The following PTPRD variants were observed in gnomAD, a reference collection of about 807,000 sequenced individuals.
PTPRD encodes the protein protein tyrosine phosphatase receptor type D.
In PTPRD, 34 loss-of-function variants were observed where a neutral mutation model predicts 214.5. That is an observed-to-expected ratio of 0.16 (90% CI 0.12 to 0.21). PTPRD has a LOEUF of 0.21. PTPRD is among the 10% of genes least tolerant of loss of function. PTPRD has a pLI of 1.00. For synonymous variants in PTPRD, 1,128 were observed against 845.7 expected, an observed-to-expected ratio of 1.33 and a Z score of -5.79; for missense variants, 2,545 against 2,398.7, an observed-to-expected ratio of 1.06 and a Z score of -1.27.
At chr9:8,935,666 T>C (rs2098991921) in intron 11 of PTPRD, among the ~76,000 whole-genome samples, 1 of 152,200 alleles carries the variant, frequency 6.6e-6, no homozygotes. Flanking sequence ...TGCAGTTTGC[T>C]TCACTGGGGA....
At chr9:9,842,187 C>G (rs1357665359) in intron 5 of PTPRD, among the ~76,000 whole-genome samples, 1 of 150,872 alleles carries the variant, frequency 6.6e-6, no homozygotes, top group African/African-American at 2.4e-5. Context: ...TTTTACAAGG[C>G]TTTTCAAGTC....
rs534576440 is a variant in PTPRD at position 9,477,310 on chromosome 9, A to T, written c.-236-79828T>A. On this transcript the variant is annotated intron_variant, in intron 8 of 45. Coordinates refer to ENST00000381196, the MANE Select transcript of PTPRD (RefSeq NM_002839.4). ...AAGGTAGGTTCTGCTCTATGATGAT[A>T]TCACCCATTGAGATTAACAGCATGA... Among the ~76,000 whole-genome samples the T allele has an allele frequency of 3.3e-5, 5 of 152,312 alleles. 1 individual carries two copies. The South Asian group carries it at 1.0e-3, about 32-fold the overall frequency.
chr9:8,568,497 A>AT (rs2090103780), intron 14 of PTPRD, among the ~76,000 whole-genome samples: 1 of 152,140 alleles, frequency 6.6e-6, no homozygotes, highest in Non-Finnish European at 1.5e-5. Flanking sequence ...GGCTAAATGG[A>AT]TTTTGAGCCA....
chr9:9,920,711 A>G (rs557854114), intron 5 of PTPRD, among the ~76,000 whole-genome samples: 37 of 152,254 alleles, frequency 2.4e-4, no homozygotes, highest in African/African-American at 7.7e-4. Context: ...CTCTTTAGAA[A>G]GGAGGGCTAT....
At position 8,317,089 on chromosome 9, in the gene PTPRD, A is replaced by C. The variant is rs1328808269; in HGVS notation, c.*785T>G. The C allele has an allele frequency of 2.6e-5, 6 of 228,008 alleles. No individual in the cohort carries two copies. The highest frequency in any genetic ancestry group is 3.4e-5 in the Non-Finnish European group (4 of 116,830). The allele number at this position is 228,008 out of a possible 1,614,324, so 14.1% of individuals were successfully genotyped here. A position where few individuals can be genotyped will look rare whatever the true frequency, so the allele number is the denominator to read the frequency against. On this transcript the variant is annotated 3_prime_UTR_variant, in exon 46 of 46. Coordinates refer to ENST00000381196, the MANE Select transcript of PTPRD (RefSeq NM_002839.4). ...TGAAGAGAATGGGTACTTTCTCACC[A>C]ATCAAAACTGAAGTGTAAAATTAAT... is the stretch of plus-strand genomic sequence containing the variant.
intron 14 of PTPRD, among the ~76,000 whole-genome samples, chr9:8,562,424 A>G (rs933938711): frequency 1.3e-5 from 2 of 151,564 alleles, no homozygotes; most frequent in Admixed American, 6.6e-5. Context: ...TAATTTATTT[A>G]TTTATTTATT....
At chr9:8,374,459 A>T (rs2082619782) in intron 39 of PTPRD, among the ~76,000 whole-genome samples, 1 of 151,984 alleles carries the variant, frequency 6.6e-6, no homozygotes, top group African/African-American at 2.4e-5. Flanking sequence ...ATTAAAAATA[A>T]TTTTTAATGT....
intron 2 of PTPRD, among the ~76,000 whole-genome samples, chr9:10,469,735 G>T (rs1215434213): frequency 6.6e-6 from 1 of 152,072 alleles, no homozygotes; most frequent in Non-Finnish European, 1.5e-5. Context: ...ACTATTCACA[G>T]TAGCCAATAT....
chr9:9,562,271 A>G (rs1012478270), intron 8 of PTPRD, among the ~76,000 whole-genome samples: 1 of 152,170 alleles, frequency 6.6e-6, no homozygotes, highest in African/African-American at 2.4e-5. Flanking sequence ...TTCTGCCAAC[A>G]AATCCTTCAA....
chr9:10,318,720 TC>T (rs1483772915), intron 3 of PTPRD, among the ~76,000 whole-genome samples: 1 of 152,048 alleles, frequency 6.6e-6, no homozygotes, highest in Non-Finnish European at 1.5e-5. Flanking sequence ...CAGGTGATCC[TC>T]CCACTTAAGT....
At chr9:9,420,920 T>G (rs1374153725) in intron 8 of PTPRD, among the ~76,000 whole-genome samples, 4 of 151,966 alleles carry the variant, frequency 2.6e-5, no homozygotes, top group Non-Finnish European at 5.9e-5. Flanking sequence ...AACAGTGGTC[T>G]TTTTTCTCAG....
chr9:10,242,086 T>A (rs886334149), intron 3 of PTPRD, among the ~76,000 whole-genome samples: 3 of 151,852 alleles, frequency 2.0e-5, no homozygotes, highest in Non-Finnish European at 4.4e-5. Flanking sequence ...ATATGACCTG[T>A]GAAGAGGAAA....
chr9:9,593,298 C>CTTT (rs572857031), intron 7 of PTPRD, among the ~76,000 whole-genome samples: 1 of 137,208 alleles, frequency 7.3e-6, no homozygotes. Context: ...GGAAACTTAA[C>CTTT]TTTTTTTTTT....
intron 20 of PTPRD, among the ~76,000 whole-genome samples, chr9:8,518,880 G>A (rs2097838939): frequency 6.6e-6 from 1 of 152,136 alleles, no homozygotes; most frequent in African/African-American, 2.4e-5. Context: ...CTTAGTATTA[G>A]CTGCAGTTAT....
rs553747609 is a variant in PTPRD at position 10,586,096 on chromosome 9, AT to A, written c.-600+26301del. Among the ~76,000 whole-genome samples the A allele has an allele frequency of 1.6e-3, 250 of 152,258 alleles. 1 individual carries two copies. The highest frequency in any genetic ancestry group is 5.8e-3 in the African/African-American group (241 of 41,588). On this transcript the variant is annotated intron_variant, in intron 2 of 45. Transcript: ENST00000381196. ...TTTCAAAACACAGTGCAGTAAAGAAATTTACATAAAAGTAAATTATAAGAGA... is the reference window on the plus strand; with the variant it reads ...TTTCAAAACACAGTGCAGTAAAGAAATTACATAAAAGTAAATTATAAGAGA...
chr9:10,125,074 A>G (rs946867798), intron 3 of PTPRD, among the ~76,000 whole-genome samples: 1 of 152,234 alleles, frequency 6.6e-6, no homozygotes, highest in Non-Finnish European at 1.5e-5. Context: ...CTGTTAGCCT[A>G]TCTCAAGAAA....
intron 3 of PTPRD, among the ~76,000 whole-genome samples, chr9:10,073,554 G>T (rs1323509711): frequency 6.6e-6 from 1 of 152,068 alleles, no homozygotes; most frequent in Non-Finnish European, 1.5e-5. Context: ...AAAAGAGAAA[G>T]AAATATTTGA....
intron 8 of PTPRD, among the ~76,000 whole-genome samples, chr9:9,491,475 A>G (rs1413003638): frequency 1.3e-5 from 2 of 151,972 alleles, no homozygotes; most frequent in Non-Finnish European, 2.9e-5. Flanking sequence ...TCTTCCCAAA[A>G]ACAACAGCAT....
At chr9:10,511,569 A>ATTTTTTT (rs66768632) in intron 2 of PTPRD, among the ~76,000 whole-genome samples, 3,047 of 127,678 alleles carry the variant, frequency 0.024, 227 homozygotes, top group African/African-American at 0.087. Context: ...ACACCCTGGT[A>ATTTTTTT]TTTTTTTTTT....
Sources: allele counts gnomAD v4.1 joint callset (sites outside exome capture counted in the v4.1 genomes callset), GRCh38; gene constraint gnomAD v4.1.1; transcripts MANE v1.5; gene names NCBI Gene and HGNC (gene_info 2026-07-23, HGNC 2026-07-21).